Variants in RARB observed in about 807,000 individuals in gnomAD.
RARB encodes the protein HBV-activated protein.
A neutral mutation model predicts 51.9 loss-of-function variants in RARB; 17 were observed. The observed-to-expected ratio is 0.33, with a 90% CI of 0.22 to 0.49. The LOEUF (loss-of-function observed/expected upper bound fraction) is 0.49. Ranked by LOEUF, RARB falls within the 20% of genes least tolerant of loss-of-function variation. The probability of loss-of-function intolerance (pLI) is 0.99; values close to 1 mark genes in which losing one functional copy is unlikely to be tolerated. For synonymous variants in RARB, 215 were observed against 195.4 expected (o/e 1.10, Z -0.84); for missense variants, 369 against 550.8 (o/e 0.67, Z 3.30).
chr3:25,050,139 C>T (rs143491019), intron 2 of RARB, among the ~76,000 whole-genome samples: 2 of 152,228 alleles, frequency 1.3e-5, no homozygotes, highest in East Asian at 1.9e-4. Context: ...TGACAAGTTT[C>T]TGGGCTTGGA....
At chr3:25,147,919 G>A (rs140936201) in intron 4 of RARB, among the ~76,000 whole-genome samples, 27 of 152,308 alleles carry the variant, frequency 1.8e-4, no homozygotes, top group Non-Finnish European at 3.4e-4. Flanking sequence ...GAATACATCT[G>A]TAATTGTGAG....
chr3:25,051,103 T>G (rs888645711), intron 2 of RARB, among the ~76,000 whole-genome samples: 2 of 152,074 alleles, frequency 1.3e-5, no homozygotes, highest in African/African-American at 4.8e-5. Context: ...ACAAGTAGAA[T>G]AGGGTTTCCT....
intron 2 of RARB, among the ~76,000 whole-genome samples, chr3:25,050,186 T>C (rs776585326): frequency 6.6e-6 from 1 of 152,186 alleles, no homozygotes; most frequent in Non-Finnish European, 1.5e-5. Flanking sequence ...TATATTGAAA[T>C]GACTATGCAA....
intron 5 of RARB, among the ~76,000 whole-genome samples, chr3:25,314,068 C>G (rs1704355191): frequency 6.6e-6 from 1 of 151,254 alleles, no homozygotes; most frequent in Non-Finnish European, 1.5e-5. Context: ...CAGACTCTGT[C>G]TCAACAACAA....
At chr3:25,473,991 G>A (rs1344523469) in intron 2 of RARB, among the ~76,000 whole-genome samples, 1 of 148,830 alleles carries the variant, frequency 6.7e-6, no homozygotes, top group Non-Finnish European at 1.5e-5. Context: ...CTCAGGTTCT[G>A]TGAGCCTTAA....
At chr3:25,567,710 GAA>G in intron 3 of RARB, among the ~76,000 whole-genome samples, 1 of 152,264 alleles carries the variant, frequency 6.6e-6, no homozygotes, top group South Asian at 2.1e-4. Flanking sequence ...ATAACTTTGA[GAA>G]AAACTGCCGA....
chr3:24,972,500 A>G (rs1696422246), intron 2 of RARB, among the ~76,000 whole-genome samples: 1 of 151,832 alleles, frequency 6.6e-6, no homozygotes, highest in Non-Finnish European at 1.5e-5. Flanking sequence ...TTTTGGATGT[A>G]TACCATCAGT....
chr3:24,995,481 C>G (rs1488532362), intron 2 of RARB, among the ~76,000 whole-genome samples: 1 of 152,070 alleles, frequency 6.6e-6, no homozygotes, highest in Non-Finnish European at 1.5e-5. Context: ...CCAAATTTCT[C>G]TAGCTAGGAC....
At chr3:25,510,733 G>A in intron 3 of RARB, among the ~76,000 whole-genome samples, 1 of 152,200 alleles carries the variant, frequency 6.6e-6, no homozygotes, top group East Asian at 1.9e-4. Flanking sequence ...TAATTTTAGG[G>A]AATATTGAAC....
chr3:25,227,465 C>T (rs1200993485), intron 5 of RARB, among the ~76,000 whole-genome samples: 2 of 152,030 alleles, frequency 1.3e-5, no homozygotes, highest in African/African-American at 4.8e-5. Flanking sequence ...GACTATATTA[C>T]ATATATATTT....
chr3:24,893,247 C>T (rs1426686533), intron 2 of RARB, among the ~76,000 whole-genome samples: 2 of 152,184 alleles, frequency 1.3e-5, no homozygotes, highest in Non-Finnish European at 2.9e-5. Flanking sequence ...CAAACACTGT[C>T]ATAATAGTCC....
intron 4 of RARB, among the ~76,000 whole-genome samples, chr3:25,145,683 GA>G (rs1460772031): frequency 6.6e-6 from 1 of 152,016 alleles, no homozygotes; most frequent in Admixed American, 6.6e-5. Flanking sequence ...TAGAAAATTG[GA>G]ATGATATTGC....
chr3:25,295,698 A>T (rs561018788), intron 5 of RARB, among the ~76,000 whole-genome samples: 1 of 152,312 alleles, frequency 6.6e-6, no homozygotes, highest in South Asian at 2.1e-4. Context: ...TCGATATGTC[A>T]GTGGCCCACT....
chr3:25,383,694 G>A (rs1310244035), intron 5 of RARB, among the ~76,000 whole-genome samples: 13 of 152,286 alleles, frequency 8.5e-5, no homozygotes, highest in African/African-American at 2.4e-4. Flanking sequence ...TTGGGAGGCC[G>A]AGGCGAGCGG....
chr3:25,521,974 A>T (rs1698418898), intron 3 of RARB, among the ~76,000 whole-genome samples: 1 of 151,444 alleles, frequency 6.6e-6, no homozygotes, highest in African/African-American at 2.4e-5. Context: ...GCCAAGATTG[A>T]CTTCTCTTGC....
intron 5 of RARB, among the ~76,000 whole-genome samples, chr3:25,238,434 T>C (rs1275938550): frequency 2.6e-5 from 4 of 152,228 alleles, no homozygotes; most frequent in Non-Finnish European, 4.4e-5. Context: ...AATGATTCCA[T>C]ATCTTTGATG....
chr3:24,916,767 C>CA (rs386396164), intron 2 of RARB, among the ~76,000 whole-genome samples: 3,344 of 112,588 alleles, frequency 0.03, 134 homozygotes, highest in African/African-American at 0.068. Flanking sequence ...GTTTGCTGTT[C>CA]AAAAAAAAAA....
chr3:25,222,086 G>A (rs1005417617), intron 5 of RARB, among the ~76,000 whole-genome samples: 8 of 152,168 alleles, frequency 5.3e-5, no homozygotes, highest in Middle Eastern at 3.2e-3. Flanking sequence ...CATCACTGGC[G>A]TGACCTGTCA....
chr3:25,032,899 G>A (rs888153846), intron 2 of RARB, among the ~76,000 whole-genome samples: 8 of 152,114 alleles, frequency 5.3e-5, no homozygotes, highest in South Asian at 2.1e-4. Context: ...TTGTCATTTC[G>A]TGGGACAATA....
Sources: gnomAD v4.1 joint callset for allele counts (sites outside exome capture counted in the v4.1 genomes callset) on GRCh38, gnomAD v4.1.1 for gene constraint, MANE v1.5 for transcripts, NCBI Gene and HGNC (gene_info 2026-07-23, HGNC 2026-07-21) for gene names.